The following STARD9 variants were observed in gnomAD, a reference collection of about 807,000 sequenced individuals.
STARD9 encodes the protein StAR related lipid transfer domain containing 9.
Under a neutral mutation model 399.8 loss-of-function variants are expected in STARD9, and 346 were observed. The observed-to-expected ratio is 0.87, with a 90% confidence interval of 0.79 to 0.95. The LOEUF is 0.95. Ranked by LOEUF, STARD9 falls within the 40% of genes least tolerant of loss-of-function variation. The pLI, the probability that STARD9 is intolerant of heterozygous loss-of-function variation, is 0.00. For missense variants in STARD9, 5,832 were observed against 5,667.5 expected (o/e 1.03, Z -0.93); for synonymous variants, 2,203 against 2,143.5 (o/e 1.03, Z -0.77).
At chr15:42,608,427 C>T (rs753503112) in intron 3 of STARD9, among the ~76,000 whole-genome samples, 11 of 152,124 alleles carry the variant, frequency 7.2e-5, no homozygotes, top group Non-Finnish European at 8.8e-5. Flanking sequence ...ACAATGAAAC[C>T]GGAATTGTCT....
At chr15:42,640,071 A>G (rs1410301254) in intron 7 of STARD9, among the ~76,000 whole-genome samples, 1 of 152,118 alleles carries the variant, frequency 6.6e-6, no homozygotes, top group Admixed American at 6.6e-5. Flanking sequence ...ACAGGTGTGC[A>G]TCTAGGCAGC....
intron 18 of STARD9, 76 bp downstream of exon 18, chr15:42,675,040 A>G (rs2060281827): frequency 1.4e-6 from 2 of 1,386,166 alleles, no homozygotes; most frequent in African/African-American, 3.0e-5. Context: ...CAAAGAGCTC[A>G]GTGAAGCAGG....
At chr15:42,710,266 T>C (rs1192670710) in intron 26 of STARD9, among the ~76,000 whole-genome samples, 3 of 151,056 alleles carry the variant, frequency 2.0e-5, no homozygotes, top group African/African-American at 7.4e-5. Context: ...TTTTACCATG[T>C]TGCCCAGGCT....
In STARD9 at chr15:42,687,814, G is replaced by A; in HGVS notation, c.6236G>A (p.Gly2079Glu). The A allele has an allele frequency of 6.5e-7, 1 of 1,537,416 alleles. No individual in the cohort carries two copies. Among genetic ancestry groups the A allele is most frequent in the Non-Finnish European group, 8.7e-7 (1 of 1,147,010 alleles). The change falls in exon 23 of 33, where the codon GGA becomes GAA. Residue 2079 changes from glycine (G) to glutamate (E), a missense_variant. By Grantham distance (98) the Gly-to-Glu change is moderately conservative (BLOSUM62 -2). Coordinates refer to ENST00000290607, the MANE Select transcript of STARD9 (RefSeq NM_020759.3). Reference sequence around the variant, plus strand: ...CAGGTTCATGCTTCCCACACACCAGGAACCGATAAGGAGTTGGTGTTCCAG... The same window carrying A: ...CAGGTTCATGCTTCCCACACACCAGAAACCGATAAGGAGTTGGTGTTCCAG... ...NKQVHASHTP[G>E]TDKELVFQDQ...
At position 42,634,837 on chromosome 15, in the gene STARD9, T is replaced by A. The variant is rs1487633176; in HGVS notation, c.235-19T>A. On this transcript the variant is annotated intron_variant, in intron 3 of 32. Transcript: ENST00000290607. ...GAAGAAGGACCACAGTGATATTTCC[T>A]CTGCTTTTGTTGTTACAGGTTTTCC... 1 of 1,331,634 alleles carries A rather than the reference T, an allele frequency of 7.5e-7. No individual in the cohort carries two copies. The highest frequency in any genetic ancestry group is 1.0e-6 in the Non-Finnish European group (1 of 967,490). 82.5% of individuals were successfully genotyped at this position (1,331,634 alleles called of 1,614,324 possible). A position where few individuals can be genotyped will look rare whatever the true frequency, so the allele number is the denominator to read the frequency against.
At chr15:42,712,093 AT>A (rs2061243444) in intron 26 of STARD9, among the ~76,000 whole-genome samples, 2 of 122 alleles carry the variant, frequency 0.016, no homozygotes, top group African/African-American at 0.071. Context: ...ATATATATAT[AT>A]ATAATATATA....
chr15:42,710,145 G>C (rs1034002037), intron 26 of STARD9, among the ~76,000 whole-genome samples: 9 of 146,126 alleles, frequency 6.2e-5, no homozygotes, highest in African/African-American at 2.3e-4. Flanking sequence ...CTGCAGCCTC[G>C]ACCTCCCTGG....
chr15:42,594,077 G>C (rs1467419870), intron 3 of STARD9, among the ~76,000 whole-genome samples: 1 of 151,852 alleles, frequency 6.6e-6, no homozygotes, highest in African/African-American at 2.4e-5. Flanking sequence ...GAGTGAGCAA[G>C]TGAGAGTGAG....
At chr15:42,679,466 A>G (rs1304794872) in intron 20 of STARD9, among the ~76,000 whole-genome samples, 1 of 152,086 alleles carries the variant, frequency 6.6e-6, no homozygotes, top group Non-Finnish European at 1.5e-5. Flanking sequence ...TAGTCCTTGG[A>G]CCTGTTGCAG....
intron 26 of STARD9, among the ~76,000 whole-genome samples, chr15:42,696,310 A>T (rs1238910295): frequency 1.3e-5 from 2 of 152,232 alleles, no homozygotes; most frequent in Non-Finnish European, 2.9e-5. Flanking sequence ...GACTAAAAGG[A>T]TAAGAGGTAG....
rs750197705 is a variant in STARD9 at position 42,638,728 on chromosome 15, C to T, written c.475C>T (p.Arg159Trp). ...TCTAGAAATCTATAATGAACGGGTG[C>T]GGGATCTGTTGAAGCAATCTGGTCA... ...SFLEIYNERVRDLLKQSGQKK... is the reference protein window; with the variant it reads ...SFLEIYNERVWDLLKQSGQKK... Residue 159 changes from arginine (R) to tryptophan (W), a missense_variant, in exon 7 of 33, where the codon CGG becomes TGG. This residue lies in a region of STARD9 where 5,828 missense variants were observed against 5,651.1 expected (regional missense o/e 1.03). Coordinates refer to ENST00000290607, the MANE Select transcript of STARD9 (RefSeq NM_020759.3). The T allele has an allele frequency of 5.1e-5, 79 of 1,535,700 alleles. No homozygotes were observed. Among genetic ancestry groups the T allele is most frequent in the Admixed American group, 9.8e-5 (5 of 50,926 alleles).
chr15:42,580,103 T>C (rs2058137078), intron 1 of STARD9, among the ~76,000 whole-genome samples: 1 of 152,172 alleles, frequency 6.6e-6, no homozygotes, highest in Admixed American at 6.5e-5. Context: ...TAAAAATACC[T>C]GCACAAATGT....
chr15:42,614,692 CA>C (rs1211793514), intron 3 of STARD9, among the ~76,000 whole-genome samples: 1 of 152,142 alleles, frequency 6.6e-6, no homozygotes, highest in East Asian at 1.9e-4. Flanking sequence ...CCAGGCTGGG[CA>C]CGGTGGCTCA....
chr15:42,626,102 T>A (rs968626101), intron 3 of STARD9, among the ~76,000 whole-genome samples: 1 of 151,884 alleles, frequency 6.6e-6, no homozygotes, highest in East Asian at 1.9e-4. Context: ...TTGTATTTTT[T>A]AGTAGAGACA....
At chr15:42,590,463 A>G (rs2058372184) in intron 3 of STARD9, among the ~76,000 whole-genome samples, 1 of 152,142 alleles carries the variant, frequency 6.6e-6, no homozygotes, top group Non-Finnish European at 1.5e-5. Flanking sequence ...CCCTTAGTGG[A>G]TATGGAGGGA....
chr15:42,662,135 A>G (rs1227847089), intron 10 of STARD9, among the ~76,000 whole-genome samples: 4 of 152,214 alleles, frequency 2.6e-5, no homozygotes, highest in Non-Finnish European at 4.4e-5. Context: ...CTCTAAAGAA[A>G]AAAAGTTTAA....
chr15:42,646,250 T>G (rs1431836203), intron 7 of STARD9, among the ~76,000 whole-genome samples: 1 of 152,232 alleles, frequency 6.6e-6, no homozygotes, highest in African/African-American at 2.4e-5. Context: ...AGAATCGGCC[T>G]GTCCTTTGAA....
chr15:42,714,663 TC>T (rs2061318886), intron 26 of STARD9, among the ~76,000 whole-genome samples: 1 of 152,200 alleles, frequency 6.6e-6, no homozygotes, highest in Admixed American at 6.5e-5. Context: ...GGCTCATGTT[TC>T]AAACTCCTGG....
rs1482683191 is a variant in STARD9, at chr15:42,667,181, A to T, written c.1317+1333A>T. Reference sequence around the variant, plus strand: ...TTGTTGACGGATTAGATTTATTTTTATTTTTTTATGTTATTTTTTTTGAAA... The same window carrying T: ...TTGTTGACGGATTAGATTTATTTTTTTTTTTTTATGTTATTTTTTTTGAAA... On this transcript the variant is annotated intron_variant, in intron 15 of 32. Coordinates refer to ENST00000290607, the MANE Select transcript of STARD9 (RefSeq NM_020759.3). Among the ~76,000 whole-genome samples, 24 of 140,930 alleles carry T rather than the reference A, an allele frequency of 1.7e-4. No homozygotes were observed. In the Admixed American group the frequency reaches 1.7e-3, roughly 10 times the overall value. 92.5% of individuals were successfully genotyped at this position (140,930 alleles called of 152,430 possible). A position where few individuals can be genotyped will look rare whatever the true frequency, so the allele number is the denominator to read the frequency against.
Sources: allele counts gnomAD v4.1 joint callset (sites outside exome capture counted in the v4.1 genomes callset), GRCh38; gene constraint gnomAD v4.1.1; regional missense constraint gnomAD v4.1.1; transcripts MANE v1.5; gene names NCBI Gene and HGNC (gene_info 2026-07-23, HGNC 2026-07-21).